SEMA3A: variants seen among roughly 807,000 people sequenced by gnomAD.
SEMA3A encodes semaphorin 3A.
In SEMA3A, 29 loss-of-function variants were observed where a neutral mutation model predicts 97.9. That is an observed-to-expected ratio of 0.30 (90% CI 0.22 to 0.40). The LOEUF (loss-of-function observed/expected upper bound fraction) is 0.40. SEMA3A is among the 10% of genes least tolerant of loss of function. SEMA3A has a pLI of 1.00. For synonymous variants in SEMA3A, 321 were observed against 323.7 expected (o/e 0.99, Z 0.09); for missense variants, 763 against 951.3 (o/e 0.80, Z 2.60).
At chr7:84,089,065 T>A (rs2115837888) in intron 4 of SEMA3A, among the ~76,000 whole-genome samples, 1 of 151,808 alleles carries the variant, frequency 6.6e-6, no homozygotes, top group African/African-American at 2.4e-5. Context: ...AATGAGTCAA[T>A]TTAGAGCTGT....
intron 1 of SEMA3A, among the ~76,000 whole-genome samples, chr7:84,142,631 T>C (rs1796326033): frequency 6.6e-6 from 1 of 152,228 alleles, no homozygotes. Context: ...TAATTTGCTT[T>C]AGCTAACAGC....
intron 3 of SEMA3A, among the ~76,000 whole-genome samples, chr7:84,215,646 C>T (rs1460665070): frequency 6.6e-6 from 1 of 152,190 alleles, no homozygotes; most frequent in African/African-American, 2.4e-5. Flanking sequence ...ATTCTATTAA[C>T]CTCCTCTATT....
At chr7:84,173,559 CAAAAAAAAAAA>C (rs34919422) in intron 1 of SEMA3A, among the ~76,000 whole-genome samples, 75 of 80,684 alleles carry the variant, frequency 9.3e-4, no homozygotes, top group African/African-American at 3.4e-3. Context: ...AACTCTGTCT[CAAAAAAAAAAA>C]AAAAAAAAAA....
At chr7:83,965,655 TA>T (rs1562943567) in intron 15 of SEMA3A, among the ~76,000 whole-genome samples, 89 of 12,962 alleles carry the variant, frequency 6.9e-3, no homozygotes, top group Non-Finnish European at 9.9e-3. Flanking sequence ...TATATATATA[TA>T]TATATATATA....
chr7:84,391,129 T>G (rs1035534718), intron 1 of SEMA3A, among the ~76,000 whole-genome samples: 2 of 152,162 alleles, frequency 1.3e-5, no homozygotes, highest in Admixed American at 1.3e-4. Context: ...ATCAGCCTTA[T>G]TAGGAGGATT....
intron 1 of SEMA3A, among the ~76,000 whole-genome samples, chr7:84,385,061 C>CA (rs1584280968): frequency 7.8e-6 from 1 of 127,436 alleles, no homozygotes; most frequent in South Asian, 2.7e-4. Context: ...GGAACATCCA[C>CA]AAAACACACA....
intron 15 of SEMA3A, 124 bp downstream of exon 15, chr7:83,977,008 T>G (rs981384410): frequency 2.2e-6 from 1 of 460,988 alleles, no homozygotes; most frequent in African/African-American, 2.2e-5. Context: ...AGATTTTACT[T>G]CTCTTCGGCT....
chr7:84,367,565 A>G (rs925938768), intron 2 of SEMA3A, among the ~76,000 whole-genome samples: 6 of 150,910 alleles, frequency 4.0e-5, no homozygotes, highest in Non-Finnish European at 5.9e-5. Context: ...AGCTCCACAC[A>G]GCTCTTCCAG....
At chr7:84,087,092 GTC>G (rs549555612) in intron 4 of SEMA3A, among the ~76,000 whole-genome samples, 62 of 152,102 alleles carry the variant, frequency 4.1e-4, no homozygotes, top group Non-Finnish European at 7.5e-4. Context: ...TTAATTCTAT[GTC>G]TTTTTTGTTG....
intron 2 of SEMA3A, among the ~76,000 whole-genome samples, chr7:84,338,909 T>C (rs377229136): frequency 1.9e-4 from 29 of 152,154 alleles, no homozygotes; most frequent in Non-Finnish European, 2.8e-4. Flanking sequence ...CCAAATCTAG[T>C]TTTGAAAAAT....
chr7:84,009,712 C>T (rs550475617), intron 9 of SEMA3A, among the ~76,000 whole-genome samples: 3 of 150,738 alleles, frequency 2.0e-5, no homozygotes, highest in Non-Finnish European at 3.0e-5. Context: ...TAATTGACAG[C>T]GAGAGACTTA....
intron 2 of SEMA3A, among the ~76,000 whole-genome samples, chr7:84,130,117 T>C (rs17158647): frequency 0.097 from 14,707 of 152,080 alleles, 1,443 homozygotes; most frequent in African/African-American, 0.25. Flanking sequence ...TTTTCCTTTC[T>C]AGTAATATTA....
In SEMA3A at chr7:84,457,019, A is replaced by T. The variant is rs539338748; in HGVS notation, c.-246+35441T>A. Among the ~76,000 whole-genome samples the T allele has an allele frequency of 1.1e-4, 16 of 151,852 alleles. No individual in the cohort carries two copies. In the South Asian group the frequency reaches 3.3e-3, roughly 32 times the overall value. ...GCATACTGCTTTGGGTAAGCAAAGC[A>T]GTATATTTATATAAGCACTGCTTAT... On this transcript the variant is annotated intron_variant, in intron 1 of 3. Coordinates refer to the SEMA3A transcript ENST00000424555.
intron 1 of SEMA3A, among the ~76,000 whole-genome samples, chr7:84,481,144 AG>A (rs1806433552): frequency 1.3e-5 from 2 of 152,158 alleles, no homozygotes; most frequent in African/African-American, 4.8e-5. Context: ...TGTATTTTCT[AG>A]CTCCAAAGGC....
intron 1 of SEMA3A, among the ~76,000 whole-genome samples, chr7:84,191,227 G>GAAA (rs35507547): frequency 2.6e-5 from 3 of 117,536 alleles, no homozygotes; most frequent in East Asian, 2.8e-4. Context: ...CCTTGACTCT[G>GAAA]AAAAAAAAAA....
intron 10 of SEMA3A, among the ~76,000 whole-genome samples, 185 bp from the exon 11 acceptor site, chr7:84,005,743 T>C (rs1184898432): frequency 2.0e-5 from 3 of 151,638 alleles, no homozygotes; most frequent in Admixed American, 6.6e-5. Flanking sequence ...AGGCCAGGAG[T>C]TGCAGACCAG....
At chr7:83,986,696 G>T (rs1344316919) in intron 12 of SEMA3A, among the ~76,000 whole-genome samples, 1 of 152,158 alleles carries the variant, frequency 6.6e-6, no homozygotes, top group Non-Finnish European at 1.5e-5. Flanking sequence ...CTGTGTAGGT[G>T]ACCGAAGCTA....
chr7:84,205,797 A>G (rs1798478834), intron 3 of SEMA3A, among the ~76,000 whole-genome samples: 1 of 152,208 alleles, frequency 6.6e-6, no homozygotes, highest in African/African-American at 2.4e-5. Flanking sequence ...GTAGTCCCTC[A>G]AAAATACTGT....
Position 83,955,950 on chromosome 7 carries a change from T to A in SEMA3A, c.*5421A>T, listed in dbSNP as rs989529985. 6.6e-6 allele frequency: 1 copy of A among 152,160 alleles called. No individual in the cohort carries two copies. The highest frequency in any genetic ancestry group is 1.9e-4 in the East Asian group (1 of 5,200). 9.4% of individuals were successfully genotyped at this position (152,160 alleles called of 1,614,324 possible). On this transcript the variant is annotated 3_prime_UTR_variant, in exon 17 of 17. Transcript: ENST00000265362. ...ACATTGTATATACAAGTATAGTGTT[T>A]AGATTAAAAGAAAGAAAATCCATTC...
Sources: gnomAD v4.1 joint callset for allele counts (sites outside exome capture counted in the v4.1 genomes callset) on GRCh38, gnomAD v4.1.1 for gene constraint, MANE v1.5 for transcripts, NCBI Gene and HGNC (gene_info 2026-07-23, HGNC 2026-07-21) for gene names.